LYZL6: variants seen among roughly 807,000 people sequenced by gnomAD.
The protein encoded by LYZL6 is lysozyme like 6, also known as lysozyme-like protein 6.
Under a neutral mutation model 15.0 loss-of-function variants are expected in LYZL6, and 21 were observed. That is an observed-to-expected ratio of 1.40 (90% confidence interval 1.00 to 2.02). LYZL6 has a LOEUF of 2.02. Among genes scored for constraint, LYZL6 ranks in the 30% most tolerant of loss-of-function variants. The probability of loss-of-function intolerance (pLI) is 0.00; values close to 1 mark genes in which losing one functional copy is unlikely to be tolerated. For synonymous variants in LYZL6, 72 were observed against 67.8 expected (o/e 1.06, Z -0.31); for missense variants, 173 against 180.5 (o/e 0.96, Z 0.24).
rs1568418167 is a variant in LYZL6 at position 35,934,840 on chromosome 17, C to A, written c.403G>T (p.Gly135Cys). The change falls in exon 5 of 5, where the codon GGC becomes TGC. Residue 135 changes from glycine (G) to cysteine (C), a missense_variant. Transcript: ENST00000615905. ...GTCAGCCAGTAGAAGAGTGGCCGGC[C>A]TGAACAGTGCAACCTCCATTCTACC... Reference protein sequence around the residue: ...NWVEWRLHCSGRPLFYWLTGC... With the variant: ...NWVEWRLHCSCRPLFYWLTGC... 6.2e-7 allele frequency: 1 copy of A among 1,614,176 alleles called. No individual in the cohort carries two copies.
chr17:35,935,331 T>C (rs1000406439), intron 4 of LYZL6, among the ~76,000 whole-genome samples: 1 of 152,190 alleles, frequency 6.6e-6, no homozygotes, highest in Non-Finnish European at 1.5e-5. Context: ...TCAGAAAAGG[T>C]GACTATCTGA....
chr17:35,938,305 G>A (rs780336404), intron 2 of LYZL6, among the ~76,000 whole-genome samples: 145 of 152,102 alleles, frequency 9.5e-4, no homozygotes, highest in Non-Finnish European at 1.2e-3. Flanking sequence ...GTATGTACAA[G>A]CTTAAAAATA....
In LYZL6 at chr17:35,934,723, GA is replaced by G; in HGVS notation, c.*72del. On this transcript the variant is annotated 3_prime_UTR_variant, in exon 5 of 5. Transcript: ENST00000615905. ...AAATAACATGAAGTGGAGGCAGTAG[GA>G]AGAAGAAATGAAGAATCCCTGAGTG... The G allele has an allele frequency of 7.3e-7, 1 of 1,362,976 alleles. No homozygotes were observed. The allele number at this position is 1,362,976 out of a possible 1,614,324, so 84.4% of individuals were successfully genotyped here. A position where few individuals can be genotyped will look rare whatever the true frequency, so the allele number is the denominator to read the frequency against.
chr17:35,939,345 C>G lies in LYZL6; in HGVS notation c.12G>C (p.Ala4=). 3 of 1,614,054 alleles carry G rather than the reference C, an allele frequency of 1.9e-6. No homozygotes were observed. Among genetic ancestry groups the G allele is most frequent in the South Asian group, 1.1e-5 (1 of 91,062 alleles). Residue 4 remains alanine (A), a synonymous_variant, in exon 2 of 5, where the codon GCG becomes GCC. Transcript: ENST00000615905. ...AGCTGCTGACCAAATAGATGAGTAGCGCCTTTGTCATCCTTGGAGGGGAGG... is the reference window on the plus strand; with the variant it reads ...AGCTGCTGACCAAATAGATGAGTAGGGCCTTTGTCATCCTTGGAGGGGAGG... The part of the protein sequence containing the change: MTK[A]LLIYLVSSFL...
chr17:35,934,938 G>A, intron 4 of LYZL6, 73 bp from the exon 5 acceptor site: 1 of 1,452,650 alleles, frequency 6.9e-7, no homozygotes, highest in Non-Finnish European at 9.6e-7. Context: ...AGTTCTTGGT[G>A]AGTCTCGCAT....
intron 2 of LYZL6, 51 bp from the exon 3 acceptor site, chr17:35,937,967 A>G (rs756445386): frequency 1.9e-6 from 3 of 1,574,636 alleles, no homozygotes; most frequent in Non-Finnish European, 2.6e-6. Context: ...AAGCTGAGTG[A>G]GAAGGGAGAT....
At chr17:35,941,104 A>C (rs2089421663) in intron 1 of LYZL6, among the ~76,000 whole-genome samples, 1 of 152,214 alleles carries the variant, frequency 6.6e-6, no homozygotes, top group African/African-American at 2.4e-5. Context: ...ACCATTTTGC[A>C]TTCCCATCAG....
rs1416514238 is a variant in LYZL6 at position 35,934,541 on chromosome 17, T to G, written c.*255A>C. ...TCTTTGCAGAGCGAGTGCTTTAATA[T>G]TTCGATAAATATAAAGATTTCTTTA... On this transcript the variant is annotated 3_prime_UTR_variant, in exon 5 of 5. Coordinates refer to ENST00000615905, the MANE Select transcript of LYZL6 (RefSeq NM_020426.4). 1 of 493,540 alleles carries G rather than the reference T, an allele frequency of 2.0e-6. No individual in the cohort carries two copies. The highest frequency in any genetic ancestry group is 1.9e-5 in the African/African-American group (1 of 52,030). The allele number at this position is 493,540 out of a possible 1,614,324, so 30.6% of individuals were successfully genotyped here.
intron 4 of LYZL6, 30 bp from the exon 5 acceptor site, chr17:35,934,895 T>A: frequency 7.5e-6 from 12 of 1,609,356 alleles, no homozygotes; most frequent in Non-Finnish European, 1.0e-5. Flanking sequence ...GGTTCTTGCC[T>A]CACACTCAGT....
chr17:35,938,895 G>A (rs2089400974), intron 2 of LYZL6, among the ~76,000 whole-genome samples: 1 of 152,146 alleles, frequency 6.6e-6, no homozygotes, highest in Admixed American at 6.5e-5. Context: ...TGCTCCCCCT[G>A]CTTTATTCTT....
chr17:35,939,278 A>G lies in LYZL6; in HGVS notation c.79T>C (p.Leu27=). ...TCCTCCAGCTGCAGCACCTGGGCCA[A>G]GTCACAGCGACTGATGAGGCTGGCC... The part of the protein sequence containing the change: ...NQASLISRCD[L]AQVLQLEDLD... Residue 27 remains leucine, a synonymous_variant, in exon 2 of 5, where the codon TTG becomes CTG. Transcript: ENST00000615905. 6.2e-7 allele frequency: 1 copy of G among 1,614,206 alleles called. No homozygotes were observed. Among genetic ancestry groups the G allele is most frequent in the Non-Finnish European group, 8.5e-7 (1 of 1,180,020 alleles).
intron 1 of LYZL6, among the ~76,000 whole-genome samples, chr17:35,941,286 G>C (rs2089422798): frequency 6.6e-6 from 1 of 152,190 alleles, no homozygotes; most frequent in Admixed American, 6.5e-5. Flanking sequence ...ATTGGCCACT[G>C]TATATCTTTG....
chr17:35,934,944 C>T (rs2089357907), intron 4 of LYZL6, 79 bp from the exon 5 acceptor site: 2 of 1,379,960 alleles, frequency 1.4e-6, no homozygotes, highest in Non-Finnish European at 2.1e-6. Flanking sequence ...TGGTGAGTCT[C>T]GCATATGGAG....
In LYZL6 at chr17:35,934,791, C is replaced by T. The variant is rs2089355293; in HGVS notation, c.*5G>A. 4 of 1,613,758 alleles carry T rather than the reference C, an allele frequency of 2.5e-6. No individual in the cohort carries two copies. Among genetic ancestry groups the T allele is most frequent in the Non-Finnish European group, 1.7e-6 (2 of 1,179,772 alleles). The stretch of plus-strand genomic sequence containing the variant: ...AATGACTCCACGGTGCACCCGCACC[C>T]TGTTTCATCTCAGGCGGCATCCTGT... On this transcript the variant is annotated 3_prime_UTR_variant, in exon 5 of 5. Transcript: ENST00000615905.
At chr17:35,941,942 A>T (rs2089427331) in intron 1 of LYZL6, among the ~76,000 whole-genome samples, 1 of 152,248 alleles carries the variant, frequency 6.6e-6, no homozygotes, top group Admixed American at 6.5e-5. Context: ...TACAGTGGAT[A>T]ACCAGACAGT....
intron 3 of LYZL6, 37 bp from the exon 4 acceptor site, chr17:35,936,870 A>G: frequency 6.3e-7 from 1 of 1,577,388 alleles, no homozygotes; most frequent in Non-Finnish European, 8.7e-7. Context: ...GAGGGCACAG[A>G]AGACAGCCCC....
intron 1 of LYZL6, among the ~76,000 whole-genome samples, chr17:35,941,398 T>A (rs1417367919): frequency 6.6e-6 from 1 of 152,180 alleles, no homozygotes; most frequent in Non-Finnish European, 1.5e-5. Flanking sequence ...TAGACCAGCA[T>A]CAGATATATG....
chr17:35,935,531 T>C (rs544133978), intron 4 of LYZL6, among the ~76,000 whole-genome samples: 1 of 151,872 alleles, frequency 6.6e-6, no homozygotes, highest in East Asian at 1.9e-4. Flanking sequence ...TTCTCCTGCC[T>C]CAGCCTCCCA....
chr17:35,938,261 C>A (rs2089394014), intron 2 of LYZL6, among the ~76,000 whole-genome samples: 2 of 152,078 alleles, frequency 1.3e-5, no homozygotes, highest in Admixed American at 6.5e-5. Flanking sequence ...AAAATATGTA[C>A]CTAAGCTTGT....
Sources: allele counts gnomAD v4.1 joint callset (sites outside exome capture counted in the v4.1 genomes callset), GRCh38; gene constraint gnomAD v4.1.1; transcripts MANE v1.5; gene names NCBI Gene and HGNC (gene_info 2026-07-23, HGNC 2026-07-21).